GRIA2: variants seen among roughly 807,000 people sequenced by gnomAD.
GRIA2 encodes glutamate ionotropic receptor AMPA type subunit 2.
Under a neutral mutation model 97.3 loss-of-function variants are expected in GRIA2, and 14 were observed. The observed-to-expected ratio is 0.14, with a 90% CI of 0.10 to 0.23. GRIA2 has a LOEUF of 0.23. GRIA2 is among the 10% of genes least tolerant of loss of function. The pLI, the probability that GRIA2 is intolerant of heterozygous loss-of-function variation, is 1.00. For synonymous variants in GRIA2, 412 were observed against 387.8 expected, an observed-to-expected ratio of 1.06 and a Z score of -0.73; for missense variants, 558 against 1,069.8, an observed-to-expected ratio of 0.52 and a Z score of 6.67.
At position 157,334,137 on chromosome 4, in the gene GRIA2, G is replaced by A; in HGVS notation, c.1266+17G>A. On this transcript the variant is annotated intron_variant, in intron 9 of 15. Transcript: ENST00000264426. ...ACAATTTTGGTAATTTGCTACATAT[G>A]CCATGTTTTACTTTGTATTTTCTTA... 1 of 1,221,900 alleles carries A rather than the reference G, an allele frequency of 8.2e-7. No individual in the cohort carries two copies. The highest frequency in any genetic ancestry group is 1.2e-5 in the South Asian group (1 of 83,194). 75.7% of individuals were successfully genotyped at this position (1,221,900 alleles called of 1,614,324 possible). A position where few individuals can be genotyped will look rare whatever the true frequency, so the allele number is the denominator to read the frequency against.
At position 157,324,046 on chromosome 4, in the gene GRIA2, C is replaced by T. The variant is rs200684741; in HGVS notation, c.882+2447C>T. On this transcript the variant is annotated intron_variant, in intron 6 of 15. Transcript: ENST00000264426. ...ACAATGCAGTAATGACCATTAATTCCCAGGTTGCTGTGAGGATTAAATAAC... is the reference window on the plus strand; with the variant it reads ...ACAATGCAGTAATGACCATTAATTCTCAGGTTGCTGTGAGGATTAAATAAC... 3.0e-4 allele frequency among the ~76,000 whole-genome samples: 45 copies of T among 152,250 alleles called. No homozygotes were observed. The East Asian group carries it at 7.7e-3, about 26-fold the overall frequency.
chr4:157,299,320 G>A (rs1369493633), intron 2 of GRIA2, among the ~76,000 whole-genome samples: 2 of 151,894 alleles, frequency 1.3e-5, no homozygotes, highest in Admixed American at 1.3e-4. Context: ...GAGAAGGAGA[G>A]AGGCTTTCAG....
Position 157,261,197 on chromosome 4 carries a change from T to C in GRIA2, c.229+39390T>C, listed in dbSNP as rs184859581. Among the ~76,000 whole-genome samples the C allele has an allele frequency of 6.3e-3, 955 of 152,148 alleles. 14 individuals are homozygous for C. The highest frequency in any genetic ancestry group is 6.8e-3 in the Middle Eastern group (2 of 294). ...GCACATCTTACATGGCGGCAGGCAA[T>C]AGAGCTTGTGCAGGGGAACTTCTAA... On this transcript the variant is annotated intron_variant, in intron 2 of 15. Transcript: ENST00000264426.
chr4:157,221,496 C>G, intron 1 of GRIA2, 171 bp from the exon 2 acceptor site: 1 of 671,676 alleles, frequency 1.5e-6, no homozygotes, highest in Non-Finnish European at 2.6e-6. Context: ...GGTCTTGACC[C>G]CTTGGCTAGC....
chr4:157,284,047 G>C (rs1249561126), intron 2 of GRIA2, among the ~76,000 whole-genome samples: 1 of 151,846 alleles, frequency 6.6e-6, no homozygotes, highest in Non-Finnish European at 1.5e-5. Context: ...CTGAAGAGAA[G>C]TAGATCTCAG....
At chr4:157,327,420 G>A (rs1249477734) in intron 6 of GRIA2, among the ~76,000 whole-genome samples, 1 of 152,110 alleles carries the variant, frequency 6.6e-6, no homozygotes, top group Non-Finnish European at 1.5e-5. Flanking sequence ...TAAAGTTAAT[G>A]TAGTTATCTG....
intron 2 of GRIA2, among the ~76,000 whole-genome samples, chr4:157,283,995 A>G (rs1398551376): frequency 6.6e-6 from 1 of 151,924 alleles, no homozygotes; most frequent in Non-Finnish European, 1.5e-5. Context: ...TTAATATTGC[A>G]GCATTAATAT....
At chr4:157,303,895 G>T in intron 3 of GRIA2, 104 bp downstream of exon 3, 1 of 1,196,214 alleles carries the variant, frequency 8.4e-7, no homozygotes, top group South Asian at 1.4e-5. Flanking sequence ...AAAGCCCAAG[G>T]ATCCCTTGGT....
At chr4:157,268,377 T>C (rs1197049905) in intron 2 of GRIA2, among the ~76,000 whole-genome samples, 1 of 152,066 alleles carries the variant, frequency 6.6e-6, no homozygotes, top group Non-Finnish European at 1.5e-5. Flanking sequence ...AGAATATTAG[T>C]TCTGTGGCTT....
At chr4:157,300,580 G>A (rs894723727) in intron 2 of GRIA2, among the ~76,000 whole-genome samples, 2 of 151,998 alleles carry the variant, frequency 1.3e-5, no homozygotes, top group Non-Finnish European at 2.9e-5. Flanking sequence ...GGGGACATAA[G>A]AAAGAAATAT....
intron 2 of GRIA2, among the ~76,000 whole-genome samples, chr4:157,253,128 T>G (rs947986136): frequency 1.3e-5 from 2 of 151,906 alleles, no homozygotes; most frequent in Non-Finnish European, 2.9e-5. Flanking sequence ...TTTTGTTTTT[T>G]TTTTTTGAGA....
intron 2 of GRIA2, among the ~76,000 whole-genome samples, chr4:157,232,083 T>G (rs564256544): frequency 6.6e-6 from 1 of 152,296 alleles, no homozygotes; most frequent in Non-Finnish European, 1.5e-5. Context: ...ACATATGCAA[T>G]AATTAGTTTG....
intron 2 of GRIA2, among the ~76,000 whole-genome samples, chr4:157,228,145 C>T (rs962050375): frequency 2.0e-5 from 3 of 152,142 alleles, no homozygotes; most frequent in Non-Finnish European, 2.9e-5. Flanking sequence ...GTGTTCTTCA[C>T]GAAGTCTAGC....
At chr4:157,222,862 C>T (rs954306222) in intron 2 of GRIA2, among the ~76,000 whole-genome samples, 4 of 152,214 alleles carry the variant, frequency 2.6e-5, no homozygotes, top group Admixed American at 1.3e-4. Flanking sequence ...CTCCGGTCCC[C>T]GCGCTCGCTC....
chr4:157,297,804 C>G (rs186652227), intron 2 of GRIA2, among the ~76,000 whole-genome samples: 1 of 151,838 alleles, frequency 6.6e-6, no homozygotes, highest in African/African-American at 2.4e-5. Context: ...TTCTAGAAAG[C>G]TCACACATGA....
At chr4:157,337,987 CAT>C (rs1206574142) in intron 11 of GRIA2, among the ~76,000 whole-genome samples, 1 of 130,652 alleles carries the variant, frequency 7.7e-6, no homozygotes, top group Non-Finnish European at 1.6e-5. Flanking sequence ...CACAGCATGA[CAT>C]ATGTGTGTAT....
chr4:157,324,180 A>T (rs1468808425), intron 6 of GRIA2, among the ~76,000 whole-genome samples: 1 of 152,176 alleles, frequency 6.6e-6, no homozygotes, highest in Non-Finnish European at 1.5e-5. Context: ...TCCAAGGTGT[A>T]TTCCAACTTT....
chr4:157,261,260 C>A (rs1435961928), intron 2 of GRIA2, among the ~76,000 whole-genome samples: 1 of 152,106 alleles, frequency 6.6e-6, no homozygotes, highest in Non-Finnish European at 1.5e-5. Flanking sequence ...CAACATTTAA[C>A]ATATATTTTT....
Position 157,361,782 on chromosome 4 carries a change from T to C in GRIA2, c.2406+658T>C, listed in dbSNP as rs564080811. The C allele has an allele frequency of 1.6e-6, 1 of 638,212 alleles. No individual in the cohort carries two copies. Among genetic ancestry groups the C allele is most frequent in the South Asian group, 2.0e-5 (1 of 49,940 alleles). The allele number at this position is 638,212 out of a possible 1,614,324, so 39.5% of individuals were successfully genotyped here. A position where few individuals can be genotyped will look rare whatever the true frequency, so the allele number is the denominator to read the frequency against. ...ATGCAAATATGCATGAGATGCATAATTTGGTAAGATGTTTTGGTAATGCCT... is the reference window on the plus strand; with the variant it reads ...ATGCAAATATGCATGAGATGCATAACTTGGTAAGATGTTTTGGTAATGCCT... On this transcript the variant is annotated intron_variant, in intron 14 of 15. Transcript: ENST00000264426. The surrounding 1 kb of genome is among the most constrained non-coding windows in gnomAD (Gnocchi z 5.2).
Sources: allele counts gnomAD v4.1 joint callset (sites outside exome capture counted in the v4.1 genomes callset), GRCh38; gene constraint gnomAD v4.1.1; non-coding constraint Gnocchi (gnomAD v3.1); transcripts MANE v1.5; gene names NCBI Gene and HGNC (gene_info 2026-07-23, HGNC 2026-07-21).